PTPRD: variants seen among roughly 807,000 people sequenced by gnomAD.
PTPRD encodes the protein receptor-type tyrosine-protein phosphatase delta.
In PTPRD, 34 loss-of-function variants were observed where a neutral mutation model predicts 214.5. The ratio of observed to expected loss-of-function variants is 0.16; its 90% confidence interval spans 0.12 to 0.21. The LOEUF is 0.21. Ranked by LOEUF, PTPRD falls within the 10% of genes least tolerant of loss-of-function variation. The probability of loss-of-function intolerance (pLI) is 1.00; values close to 1 mark genes in which losing one functional copy is unlikely to be tolerated. For missense variants in PTPRD, 2,545 were observed against 2,398.7 expected, an observed-to-expected ratio of 1.06 and a Z score of -1.27; for synonymous variants, 1,128 against 845.7, an observed-to-expected ratio of 1.33 and a Z score of -5.79.
chr9:8,987,054 A>G (rs572544551), intron 11 of PTPRD, among the ~76,000 whole-genome samples: 1 of 152,280 alleles, frequency 6.6e-6, no homozygotes, highest in East Asian at 1.9e-4. Context: ...CCATAAACAC[A>G]TGTCTCTTAG....
chr9:10,127,424 T>C (rs2098828159), intron 3 of PTPRD, among the ~76,000 whole-genome samples: 1 of 152,190 alleles, frequency 6.6e-6, no homozygotes, highest in South Asian at 2.1e-4. Flanking sequence ...GTCACTTATA[T>C]TCAACATCTT....
intron 11 of PTPRD, among the ~76,000 whole-genome samples, chr9:8,998,251 TG>T (rs1320880887): frequency 1.3e-5 from 2 of 152,100 alleles, no homozygotes; most frequent in Non-Finnish European, 2.9e-5. Flanking sequence ...AGTCAATGCC[TG>T]GCTTCAGTTC....
chr9:9,455,102 A>T (rs2092800839), intron 8 of PTPRD, among the ~76,000 whole-genome samples: 2 of 151,724 alleles, frequency 1.3e-5, no homozygotes, highest in South Asian at 2.1e-4. Context: ...AACATTAAAA[A>T]TGTTTTGTTT....
Position 8,726,489 on chromosome 9 carries a change from T to G in PTPRD, c.64+7291A>C, listed in dbSNP as rs1598092672. On this transcript the variant is annotated intron_variant, in intron 12 of 45. Transcript: ENST00000381196. ...GCTAACGCCTATAATTCCAGCACTT[T>G]GGGAGGCTGAGGCAGGTGGATCCCC... Among the ~76,000 whole-genome samples the G allele has an allele frequency of 1.4e-5, 2 of 145,078 alleles. 1 individual carries two copies. Among genetic ancestry groups the G allele is most frequent in the South Asian group, 4.5e-4 (2 of 4,458 alleles).
intron 3 of PTPRD, among the ~76,000 whole-genome samples, chr9:10,297,018 T>A (rs2095695157): frequency 6.6e-6 from 1 of 151,030 alleles, no homozygotes; most frequent in African/African-American, 2.4e-5. Flanking sequence ...ACTTTTTGAT[T>A]GATAAGCCCC....
intron 2 of PTPRD, among the ~76,000 whole-genome samples, chr9:10,351,006 C>A (rs901619908): frequency 6.6e-6 from 1 of 151,856 alleles, no homozygotes; most frequent in Admixed American, 6.6e-5. Context: ...AGAAAGGAGC[C>A]AAAGGTCAGT....
chr9:8,590,283 G>A (rs1172897912), intron 14 of PTPRD, among the ~76,000 whole-genome samples: 1 of 152,090 alleles, frequency 6.6e-6, no homozygotes, highest in African/African-American at 2.4e-5. Flanking sequence ...CTCTGCGGAG[G>A]TAATATAAGT....
chr9:9,648,348 T>C (rs564456748), intron 7 of PTPRD, among the ~76,000 whole-genome samples: 2 of 152,288 alleles, frequency 1.3e-5, no homozygotes, highest in Admixed American at 1.3e-4. Context: ...AGAATCCAAC[T>C]CTAGGGTAAT....
At chr9:8,932,941 G>C (rs577574112) in intron 11 of PTPRD, among the ~76,000 whole-genome samples, 2 of 152,116 alleles carry the variant, frequency 1.3e-5, no homozygotes, top group Non-Finnish European at 2.9e-5. Context: ...CAGCTAGCTT[G>C]GTGTCTGCCT....
At chr9:8,742,981 A>T (rs2092266375) in intron 11 of PTPRD, among the ~76,000 whole-genome samples, 1 of 152,084 alleles carries the variant, frequency 6.6e-6, no homozygotes, top group Non-Finnish European at 1.5e-5. Context: ...CAAATACCCT[A>T]TAACACACAG....
At chr9:9,097,473 A>G (rs903476036) in intron 10 of PTPRD, among the ~76,000 whole-genome samples, 9 of 151,370 alleles carry the variant, frequency 5.9e-5, no homozygotes, top group Non-Finnish European at 1.3e-4. Context: ...CAGTGGCGCA[A>G]TCTCAGCTCA....
chr9:8,989,565 C>T lies in PTPRD; in HGVS notation c.-104+29132G>A, dbSNP rs148698975. ...TTCCTCCTATGGCTGAATAATATTCCATTGTGTATATATACCACATTTTCC... is the reference window on the plus strand; with the variant it reads ...TTCCTCCTATGGCTGAATAATATTCTATTGTGTATATATACCACATTTTCC... On this transcript the variant is annotated intron_variant, in intron 11 of 45. Coordinates refer to ENST00000381196, the MANE Select transcript of PTPRD (RefSeq NM_002839.4). 3.5e-4 allele frequency among the ~76,000 whole-genome samples: 53 copies of T among 152,158 alleles called. No homozygotes were observed. In the East Asian group the frequency reaches 8.3e-3, roughly 24 times the overall value.
chr9:9,289,326 C>A (rs1389992202), intron 9 of PTPRD, among the ~76,000 whole-genome samples: 1 of 151,704 alleles, frequency 6.6e-6, no homozygotes, highest in Non-Finnish European at 1.5e-5. Context: ...TGTTAAGCAC[C>A]AAAACTACTA....
At chr9:10,228,180 G>A (rs570055907) in intron 3 of PTPRD, among the ~76,000 whole-genome samples, 55 of 152,020 alleles carry the variant, frequency 3.6e-4, no homozygotes, top group Admixed American at 2.0e-3. Flanking sequence ...AACACAACTC[G>A]TTTAGAAGGA....
intron 11 of PTPRD, among the ~76,000 whole-genome samples, chr9:8,806,388 A>G (rs897005155): frequency 6.6e-6 from 1 of 152,168 alleles, no homozygotes; most frequent in Non-Finnish European, 1.5e-5. Flanking sequence ...CTGCAATCAT[A>G]TAATTTTTTG....
At chr9:8,913,796 G>A (rs2098765100) in intron 11 of PTPRD, among the ~76,000 whole-genome samples, 1 of 152,104 alleles carries the variant, frequency 6.6e-6, no homozygotes. Flanking sequence ...CAATGAAGAT[G>A]AGACTGGAAG....
At position 9,181,954 on chromosome 9, in the gene PTPRD, T is replaced by C. The variant is rs375489349; in HGVS notation, c.-143+1350A>G. ...GCTTGGAAAATGGAAACTGATTCTA[T>C]ACAAATTGCTGAAACATAAAGCAGA... is the stretch of plus-strand genomic sequence containing the variant. On this transcript the variant is annotated intron_variant, in intron 10 of 45. Coordinates refer to ENST00000381196, the MANE Select transcript of PTPRD (RefSeq NM_002839.4). 1.2e-3 allele frequency among the ~76,000 whole-genome samples: 177 copies of C among 152,140 alleles called. 2 individuals carry two copies. In the South Asian group the frequency reaches 0.035, roughly 30 times the overall value.
Position 8,557,455 on chromosome 9 carries a change from T to TATATATACACACACATACACATAC in PTPRD, c.353-28677_353-28676insGTATGTGTATGTGTGTGTATATAT. Among the ~76,000 whole-genome samples the TATATATACACACACATACACATAC allele has an allele frequency of 1.0e-4, 14 of 135,618 alleles. 1 individual carries two copies. The highest frequency in any genetic ancestry group is 4.9e-4 in the African/African-American group (14 of 28,784). 89.0% of individuals were successfully genotyped at this position (135,618 alleles called of 152,430 possible). A position where few individuals can be genotyped will look rare whatever the true frequency, so the allele number is the denominator to read the frequency against. ...AAATACATATATATATATATATATA[T>TATATATACACACACATACACATAC]ATTTGGGCCGGGCGCGGTGGCTCAT... On this transcript the variant is annotated intron_variant, in intron 14 of 45. Coordinates refer to ENST00000381196, the MANE Select transcript of PTPRD (RefSeq NM_002839.4).
At chr9:8,817,807 ACTT>A (rs1159467146) in intron 11 of PTPRD, among the ~76,000 whole-genome samples, 7 of 152,168 alleles carry the variant, frequency 4.6e-5, no homozygotes, top group Admixed American at 1.3e-4. Flanking sequence ...TTCTTCTTGG[ACTT>A]CTTGGTAGAA....
Sources: gnomAD v4.1 joint callset for allele counts (sites outside exome capture counted in the v4.1 genomes callset) on GRCh38, gnomAD v4.1.1 for gene constraint, MANE v1.5 for transcripts, NCBI Gene and HGNC (gene_info 2026-07-23, HGNC 2026-07-21) for gene names.